Variants in ENOX2 observed in about 807,000 individuals in gnomAD.
ENOX2 encodes APK1 antigen.
Under a neutral mutation model 45.0 loss-of-function variants are expected in ENOX2, and 36 were observed. That is an observed-to-expected ratio of 0.80 (90% CI 0.61 to 1.06). The LOEUF is 1.06. Among genes scored for constraint, ENOX2 ranks in the 50% least tolerant of loss-of-function variants. The pLI is 0.00. For synonymous variants in ENOX2, 174 were observed against 152.3 expected (o/e 1.14, Z -1.05); for missense variants, 423 against 462.5 (o/e 0.91, Z 0.78).
At chrX:130,628,134 A>G (rs2035599345) in intron 13 of ENOX2, 91 bp from the exon 14 acceptor site, 1 of 587,645 alleles carries the variant, frequency 1.7e-6, no homozygotes, top group Admixed American at 2.3e-5. Flanking sequence ...ACTCATATGT[A>G]CAACAGAAAT....
At chrX:130,768,201 G>C (rs1169748373) in intron 3 of ENOX2, among the ~76,000 whole-genome samples, 1 of 111,747 alleles carries the variant, frequency 8.9e-6, no homozygotes, top group Non-Finnish European at 1.9e-5. Flanking sequence ...AGACAGGATA[G>C]GGAGTCTGAA....
intron 4 of ENOX2, among the ~76,000 whole-genome samples, chrX:130,694,068 C>A (rs1603307727): frequency 8.9e-6 from 1 of 111,734 alleles, no homozygotes; most frequent in East Asian, 2.8e-4. Context: ...CAGTTGATAT[C>A]ATATAGAACA....
chrX:130,744,691 C>T (rs1227259460), intron 3 of ENOX2, among the ~76,000 whole-genome samples: 2 of 111,783 alleles, frequency 1.8e-5, no homozygotes, highest in African/African-American at 3.3e-5. Flanking sequence ...GGATGATTCT[C>T]TGGCTCTCTG....
chrX:130,737,467 C>CAA lies in ENOX2; in HGVS notation c.-38-34214_-38-34213insTT, dbSNP rs2038888352. Reference sequence around the variant, plus strand: ...ATGCGCGTGCGCACGCACACACACACACACACACACACAACTTACTTCTGA... The same window carrying CAA: ...ATGCGCGTGCGCACGCACACACACACAAACACACACACACAACTTACTTCTGA... On this transcript the variant is annotated intron_variant, in intron 3 of 14. Transcript: ENST00000394363. Among the ~76,000 whole-genome samples, 3 of 112,749 alleles carry CAA rather than the reference C, an allele frequency of 2.7e-5. No individual in the cohort carries two copies. In the South Asian group the frequency reaches 1.1e-3, roughly 41 times the overall value.
At chrX:130,849,855 T>C (rs1205329380) in intron 2 of ENOX2, among the ~76,000 whole-genome samples, 2 of 111,534 alleles carry the variant, frequency 1.8e-5, no homozygotes, top group Non-Finnish European at 3.8e-5. Flanking sequence ...AGGAATATCC[T>C]ACACATAAAA....
intron 2 of ENOX2, among the ~76,000 whole-genome samples, chrX:130,813,941 G>T (rs988412061): frequency 1.8e-5 from 2 of 112,266 alleles, no homozygotes; most frequent in Non-Finnish European, 3.8e-5. Context: ...AGGGAGCCAA[G>T]TGGTCTAGCT....
chrX:130,636,331 G>T, intron 11 of ENOX2, among the ~76,000 whole-genome samples: 1 of 112,429 alleles, frequency 8.9e-6, no homozygotes, highest in East Asian at 2.8e-4. Context: ...ATAACATAGG[G>T]TTCCTAGTGC....
intron 10 of ENOX2, chrX:130,645,964 G>C (rs2036223059): frequency 4.4e-6 from 3 of 682,535 alleles, no homozygotes; most frequent in Non-Finnish European, 7.2e-6. Flanking sequence ...TCCATTCAAG[G>C]GAAACACCTC....
chrX:130,696,548 CAG>C (rs2037767987), intron 4 of ENOX2, among the ~76,000 whole-genome samples: 1 of 112,266 alleles, frequency 8.9e-6, no homozygotes. Context: ...TCTATCACCT[CAG>C]AATAAAGGGC....
At chrX:130,871,917 A>G (rs1217818945) in intron 2 of ENOX2, among the ~76,000 whole-genome samples, 1 of 112,170 alleles carries the variant, frequency 8.9e-6, no homozygotes, top group Non-Finnish European at 1.9e-5. Flanking sequence ...TCATGAATCA[A>G]TACAGAATCT....
intron 3 of ENOX2, among the ~76,000 whole-genome samples, chrX:130,756,189 T>C (rs772514732): frequency 8.9e-6 from 1 of 112,489 alleles, no homozygotes; most frequent in East Asian, 2.8e-4. Context: ...CTTTCTCCAA[T>C]GATGCCCATA....
intron 5 of ENOX2, 116 bp from the exon 6 acceptor site, chrX:130,679,864 G>T (rs760322041): frequency 2.6e-5 from 14 of 536,490 alleles, no homozygotes; most frequent in East Asian, 2.5e-4. Flanking sequence ...GTGTCAGAAG[G>T]ATGTGGCCTC....
intron 3 of ENOX2, among the ~76,000 whole-genome samples, chrX:130,782,784 A>T (rs2076915540): frequency 9.0e-6 from 1 of 111,670 alleles, no homozygotes. Context: ...ATAAAATTGT[A>T]AAATATCAAA....
rs1569486797 is a variant in ENOX2 at position 130,688,806 on chromosome X, A to T, written c.253+57T>A. 5.4e-6 allele frequency: 5 copies of T among 933,706 alleles called. No individual in the cohort carries two copies. In the South Asian group the frequency reaches 1.1e-4, roughly 20 times the overall value. The allele number at this position is 933,706 out of a possible 1,213,427, so 76.9% of individuals were successfully genotyped here. A position where few individuals can be genotyped will look rare whatever the true frequency, so the allele number is the denominator to read the frequency against. Reference sequence around the variant, plus strand: ...TGGGTATTCTTTTGAGAAAGAAGAAAGCTTTCTTGTACACTAAAATATTGT... The same window carrying T: ...TGGGTATTCTTTTGAGAAAGAAGAATGCTTTCTTGTACACTAAAATATTGT... On this transcript the variant is annotated intron_variant, in intron 5 of 14. Coordinates refer to ENST00000394363, the MANE Select transcript of ENOX2 (RefSeq NM_006375.4).
chrX:130,745,229 A>G (rs922439658), intron 3 of ENOX2, among the ~76,000 whole-genome samples: 3 of 112,102 alleles, frequency 2.7e-5, no homozygotes, highest in African/African-American at 9.7e-5. Flanking sequence ...GAAAAGTTAA[A>G]CAGCAGTGCC....
chrX:130,848,322 GA>G (rs1455398314), intron 2 of ENOX2, among the ~76,000 whole-genome samples: 2 of 108,407 alleles, frequency 1.8e-5, no homozygotes, highest in East Asian at 2.8e-4. Context: ...ATCTATGAGG[GA>G]AAAAAAAAGC....
intron 3 of ENOX2, among the ~76,000 whole-genome samples, chrX:130,747,447 G>C (rs901985324): frequency 1.8e-5 from 2 of 112,009 alleles, no homozygotes; most frequent in African/African-American, 6.5e-5. Flanking sequence ...CTTATTTTCA[G>C]AATTTAATTC....
In ENOX2 at chrX:130,783,654, T is replaced by C; in HGVS notation, c.-146A>G. 1 of 327,526 alleles carries C rather than the reference T, an allele frequency of 3.1e-6. No homozygotes were observed. Among genetic ancestry groups the C allele is most frequent in the South Asian group, 2.7e-5 (1 of 37,508 alleles). 27.0% of individuals were successfully genotyped at this position (327,526 alleles called of 1,213,427 possible). On this transcript the variant is annotated 5_prime_UTR_variant, in exon 3 of 15. Transcript: ENST00000394363. ...GGCACTACCAAACTGCAGGGGCTCG[T>C]TGTTGTTAGCAGGGTCAAAGGGCAG... is the stretch of plus-strand genomic sequence containing the variant.
chrX:130,639,811 G>A (rs1437494222), intron 10 of ENOX2, among the ~76,000 whole-genome samples: 1 of 112,106 alleles, frequency 8.9e-6, no homozygotes, highest in Non-Finnish European at 1.9e-5. Context: ...CTTTGATGGG[G>A]AAATTATTAG....
Sources: gnomAD v4.1 joint callset for allele counts (sites outside exome capture counted in the v4.1 genomes callset) on GRCh38, gnomAD v4.1.1 for gene constraint, MANE v1.5 for transcripts, NCBI Gene and HGNC (gene_info 2026-07-23, HGNC 2026-07-21) for gene names.